The following TRIM58 variants were observed in gnomAD, a reference collection of about 807,000 sequenced individuals.
The protein encoded by TRIM58 is tripartite motif containing 58.
TRIM58 carries 38 observed loss-of-function variants against 34.1 expected under a neutral mutation model. That is an observed-to-expected ratio of 1.12 (90% CI 0.86 to 1.46). The LOEUF is 1.46. TRIM58 is among the 40% of genes most tolerant of loss of function. The pLI is 0.00. For missense variants in TRIM58, 677 were observed against 642.0 expected, an observed-to-expected ratio of 1.05 and a Z score of -0.59; for synonymous variants, 273 against 275.7, an observed-to-expected ratio of 0.99 and a Z score of 0.10.
intron 5 of TRIM58, among the ~76,000 whole-genome samples, chr1:247,875,142 A>C (rs1659250971): frequency 6.6e-6 from 1 of 152,140 alleles, no homozygotes; most frequent in Non-Finnish European, 1.5e-5. Flanking sequence ...GATTAGACGC[A>C]CCTTGATAAT....
rs1464629777 is a variant in TRIM58 at position 247,878,277 on chromosome 1, A to G, written c.*1788A>G. The G allele has an allele frequency of 6.6e-6, 1 of 152,172 alleles. No homozygotes were observed. Among genetic ancestry groups the G allele is most frequent in the Non-Finnish European group, 1.5e-5 (1 of 68,026 alleles). 9.4% of individuals were successfully genotyped at this position (152,172 alleles called of 1,614,324 possible). The stretch of plus-strand genomic sequence containing the variant: ...CTAACCAAATATTAATTAATGGCAA[A>G]TTATTTAACATTATCTGATAATAAT... On this transcript the variant is annotated 3_prime_UTR_variant, in exon 6 of 6. Coordinates refer to ENST00000366481, the MANE Select transcript of TRIM58 (RefSeq NM_015431.4).
At chr1:247,868,300 C>G (rs1478449799) in intron 5 of TRIM58, among the ~76,000 whole-genome samples, 1 of 152,106 alleles carries the variant, frequency 6.6e-6, no homozygotes, top group African/African-American at 2.4e-5. Flanking sequence ...GACTTCTGTG[C>G]CACATCTTCT....
At chr1:247,865,014 C>A in intron 3 of TRIM58, 79 bp downstream of exon 3, 1 of 1,312,660 alleles carries the variant, frequency 7.6e-7, no homozygotes, top group Non-Finnish European at 1.0e-6. Context: ...CAGAGACAAA[C>A]ACTTTGGCGT....
rs1274441872 is a variant in TRIM58, at chr1:247,857,464, G to C, written c.218G>C (p.Arg73Pro). The change falls in exon 1 of 6, where the codon CGG becomes CCG. Residue 73 changes from arginine (R) to proline (P), a missense_variant. By Grantham distance (103) the Arg-to-Pro change is moderately radical. Coordinates refer to ENST00000366481, the MANE Select transcript of TRIM58 (RefSeq NM_015431.4). ...PFRPSGFRPN[R>P]QLAGLVESVR... is the part of the protein sequence containing the mutation. Reference sequence around the variant, plus strand: ...CGGCCCTCGGGCTTTCGCCCCAACCGGCAGCTGGCGGGCCTGGTGGAGAGC... The same window carrying C: ...CGGCCCTCGGGCTTTCGCCCCAACCCGCAGCTGGCGGGCCTGGTGGAGAGC... 1 of 1,380,798 alleles carries C rather than the reference G, an allele frequency of 7.2e-7. No individual in the cohort carries two copies. Among genetic ancestry groups the C allele is most frequent in the Non-Finnish European group, 9.4e-7 (1 of 1,061,122 alleles). 85.5% of individuals were successfully genotyped at this position (1,380,798 alleles called of 1,614,324 possible). A position where few individuals can be genotyped will look rare whatever the true frequency, so the allele number is the denominator to read the frequency against.
chr1:247,865,772 T>C (rs1240126051), intron 3 of TRIM58, among the ~76,000 whole-genome samples: 5 of 152,212 alleles, frequency 3.3e-5, no homozygotes, highest in African/African-American at 9.6e-5. Flanking sequence ...GTAGAACCAA[T>C]GGCAACAGAA....
rs909592282 is a variant in TRIM58, at chr1:247,879,015, G to A, written c.*2526G>A. ...AGCAAAATCCTCGACATCCATACCC[G>A]TTTCCTGGCTTTCCCTCTCCTTTCC... On this transcript the variant is annotated 3_prime_UTR_variant, in exon 6 of 6. Coordinates refer to ENST00000366481, the MANE Select transcript of TRIM58 (RefSeq NM_015431.4). 4.6e-5 allele frequency among the ~76,000 whole-genome samples: 7 copies of A among 151,964 alleles called. No individual in the cohort carries two copies. The highest frequency in any genetic ancestry group is 7.3e-5 in the African/African-American group (3 of 41,348).
At position 247,866,702 on chromosome 1, in the gene TRIM58, A is replaced by T. The variant is rs188070072; in HGVS notation, c.748-1143A>T. Among the ~76,000 whole-genome samples, 76 of 152,322 alleles carry T rather than the reference A, an allele frequency of 5.0e-4. 2 individuals are homozygous for T. Among genetic ancestry groups the T allele is most frequent in the Middle Eastern group, 6.8e-3 (2 of 294 alleles). The stretch of plus-strand genomic sequence containing the variant: ...ACTGCAGCCTCAGTCTCCTAGGATC[A>T]GGTGATCCTTGTGCCTCAGCCTCCC... On this transcript the variant is annotated intron_variant, in intron 3 of 5. Coordinates refer to ENST00000366481, the MANE Select transcript of TRIM58 (RefSeq NM_015431.4).
At chr1:247,869,972 G>A (rs1392677064) in intron 5 of TRIM58, among the ~76,000 whole-genome samples, 1 of 152,144 alleles carries the variant, frequency 6.6e-6, no homozygotes, top group African/African-American at 2.4e-5. Flanking sequence ...TGATTTTTTG[G>A]AGGATTCATT....
chr1:247,877,983 A>T lies in TRIM58; in HGVS notation c.*1494A>T, dbSNP rs1659328526. ...AGACCATCCTGGCTAACACAGTGAAACCCCGTCTCTACTAAAAATACAAAA... is the reference window on the plus strand; with the variant it reads ...AGACCATCCTGGCTAACACAGTGAATCCCCGTCTCTACTAAAAATACAAAA... On this transcript the variant is annotated 3_prime_UTR_variant, in exon 6 of 6. Transcript: ENST00000366481. 1 of 151,912 alleles carries T rather than the reference A, an allele frequency of 6.6e-6. No homozygotes were observed. The highest frequency in any genetic ancestry group is 2.1e-4 in the South Asian group (1 of 4,816). The allele number at this position is 151,912 out of a possible 1,614,324, so 9.4% of individuals were successfully genotyped here.
intron 5 of TRIM58, among the ~76,000 whole-genome samples, chr1:247,869,319 G>GA (rs897841497): frequency 6.6e-6 from 1 of 152,160 alleles, no homozygotes; most frequent in African/African-American, 2.4e-5. Flanking sequence ...AGGTGGGGGG[G>GA]GGTGAGGCGT....
chr1:247,861,073 CAGA>C (rs1021489265), intron 2 of TRIM58, among the ~76,000 whole-genome samples: 4 of 152,280 alleles, frequency 2.6e-5, no homozygotes, highest in Admixed American at 1.3e-4. Flanking sequence ...AACTTTGTAA[CAGA>C]AGAAGTGTAG....
At chr1:247,863,415 G>A (rs113852381) in intron 2 of TRIM58, among the ~76,000 whole-genome samples, 5,854 of 152,076 alleles carry the variant, frequency 0.038, 387 homozygotes, top group African/African-American at 0.13. Flanking sequence ...CTGCGTGCCT[G>A]TAATCCCACT....
rs1312152087 is a variant in TRIM58 at position 247,875,989 on chromosome 1, G to T, written c.961G>T (p.Asp321Tyr). The T allele has an allele frequency of 6.2e-7, 1 of 1,614,196 alleles. No homozygotes were observed. The highest frequency in any genetic ancestry group is 1.7e-5 in the Admixed American group (1 of 60,032). ...RSVQDGEPWR[D>Y]VPNNPERFDT... ...TGTGCAGGATGGAGAACCATGGAGG[G>T]ATGTCCCCAACAACCCTGAGCGATT... Residue 321 changes from aspartate to tyrosine, a missense_variant, in exon 6 of 6, where the codon GAT becomes TAT. Coordinates refer to ENST00000366481, the MANE Select transcript of TRIM58 (RefSeq NM_015431.4).
intron 2 of TRIM58, among the ~76,000 whole-genome samples, chr1:247,861,849 C>T (rs111953535): frequency 0.025 from 3,730 of 152,160 alleles, 171 homozygotes; most frequent in African/African-American, 0.085. Flanking sequence ...TAAGGCCAGG[C>T]GTGGTGGCTC....
chr1:247,864,558 C>T (rs1663872379), intron 2 of TRIM58, 147 bp from the exon 3 acceptor site: 1 of 733,108 alleles, frequency 1.4e-6, no homozygotes, highest in African/African-American at 1.8e-5. Flanking sequence ...GAATGGACTC[C>T]AGTCTGTGCA....
chr1:247,859,393 T>A (rs895933137), intron 1 of TRIM58, among the ~76,000 whole-genome samples: 1 of 152,198 alleles, frequency 6.6e-6, no homozygotes, highest in Non-Finnish European at 1.5e-5. Context: ...TGAATTCTAC[T>A]GTTATTTTAT....
rs574230921 is a variant in TRIM58, at chr1:247,861,256, C to G, written c.516+544C>G. Among the ~76,000 whole-genome samples, 21 of 151,840 alleles carry G rather than the reference C, an allele frequency of 1.4e-4. No homozygotes were observed. In the South Asian group the frequency reaches 2.3e-3, roughly 17 times the overall value. On this transcript the variant is annotated intron_variant, in intron 2 of 5. Transcript: ENST00000366481. ...ACGTGTACACACACACACAGTGATT[C>G]ATACACACACAGTGATTCACATACA...
At chr1:247,857,908 C>A (rs544768685) in intron 1 of TRIM58, among the ~76,000 whole-genome samples, 2 of 152,314 alleles carry the variant, frequency 1.3e-5, no homozygotes, top group African/African-American at 2.4e-5. Context: ...CCCAAGCACT[C>A]TCCTGTCGTC....
chr1:247,861,054 A>T (rs1663780610), intron 2 of TRIM58, among the ~76,000 whole-genome samples: 1 of 152,204 alleles, frequency 6.6e-6, no homozygotes, highest in African/African-American at 2.4e-5. Context: ...GAAATAATGA[A>T]TATTTCACAA....
Sources: allele counts gnomAD v4.1 joint callset (sites outside exome capture counted in the v4.1 genomes callset), GRCh38; gene constraint gnomAD v4.1.1; transcripts MANE v1.5; gene names NCBI Gene and HGNC (gene_info 2026-07-23, HGNC 2026-07-21).